USP45: variants seen among roughly 807,000 people sequenced by gnomAD.
USP45 encodes ubiquitin carboxyl-terminal hydrolase 45.
In USP45, 89 loss-of-function variants were observed where a neutral mutation model predicts 95.8. The observed-to-expected ratio is 0.93, with a 90% CI of 0.78 to 1.11. The LOEUF (loss-of-function observed/expected upper bound fraction) is 1.11. Ranked by LOEUF, USP45 falls within the 50% of genes least tolerant of loss-of-function variation. The pLI is 0.00. For missense variants in USP45, 898 were observed against 942.5 expected, an observed-to-expected ratio of 0.95 and a Z score of 0.62; for synonymous variants, 281 against 316.2, an observed-to-expected ratio of 0.89 and a Z score of 1.18.
chr6:99,443,278 G>A (rs1781860752), intron 15 of USP45, among the ~76,000 whole-genome samples: 1 of 152,128 alleles, frequency 6.6e-6, no homozygotes, highest in African/African-American at 2.4e-5. Flanking sequence ...CAAAGGCCGA[G>A]GGAGCCACCG....
chr6:99,452,712 A>G (rs1045947237), intron 13 of USP45, among the ~76,000 whole-genome samples: 1 of 152,228 alleles, frequency 6.6e-6, no homozygotes, highest in African/African-American at 2.4e-5. Context: ...ATGCTGCCTT[A>G]AAGACACATG....
intron 2 of USP45, among the ~76,000 whole-genome samples, chr6:99,509,575 C>A (rs1799307475): frequency 6.6e-6 from 1 of 151,202 alleles, no homozygotes; most frequent in South Asian, 2.1e-4. Flanking sequence ...CTGAGGCCAG[C>A]AGCTCCCAAA....
intron 13 of USP45, among the ~76,000 whole-genome samples, chr6:99,455,331 GCTA>G (rs1784807002): frequency 6.6e-6 from 1 of 151,666 alleles, no homozygotes; most frequent in South Asian, 2.1e-4. Context: ...TGTAGTCCCA[GCTA>G]CTTGGGAGAT....
In USP45 at chr6:99,503,813, C is replaced by A; in HGVS notation, c.430G>T (p.Ala144Ser). ...TTCTGGAGAAAATCAACTATCTGAG[C>A]CAAAACCTTCTTATTACAATGCGTT... The part of the protein sequence containing the change: ...LSTHCNKKVL[A>S]QIVDFLQKHA... The change falls in exon 5 of 18, where the codon GCT becomes TCT. Residue 144 changes from alanine (A) to serine (S), a missense_variant. Transcript: ENST00000500704. 1 of 1,602,174 alleles carries A rather than the reference C, an allele frequency of 6.2e-7. No individual in the cohort carries two copies. Among genetic ancestry groups the A allele is most frequent in the Non-Finnish European group, 8.5e-7 (1 of 1,174,500 alleles).
chr6:99,508,715 C>T lies in USP45; in HGVS notation c.168G>A (p.Glu56=). Residue 56 remains glutamate (E), a synonymous_variant, in exon 3 of 18, where the codon GAG becomes GAA. Transcript: ENST00000500704. ...ATTCTGAGCAAACTGACCACAGATT[C>T]TCAGCTATTGCTCTCTTTACATGAT... ...SVNHVKRAIA[E]NLWSVCSECL... 6.2e-7 allele frequency: 1 copy of T among 1,613,770 alleles called. No homozygotes were observed.
intron 14 of USP45, among the ~76,000 whole-genome samples, chr6:99,444,907 C>T (rs756515998): frequency 1.3e-5 from 2 of 152,150 alleles, no homozygotes; most frequent in Non-Finnish European, 2.9e-5. Context: ...ATCTTTTAGC[C>T]TCACCGTACC....
At position 99,499,464 on chromosome 6, in the gene USP45, G is replaced by A. The variant is rs145029607; in HGVS notation, c.478+4301C>T. Among the ~76,000 whole-genome samples the A allele has an allele frequency of 1.8e-3, 274 of 152,144 alleles. 2 individuals are homozygous for A. Among genetic ancestry groups the A allele is most frequent in the East Asian group, 5.8e-3 (30 of 5,176 alleles). On this transcript the variant is annotated intron_variant, in intron 5 of 17. Coordinates refer to ENST00000500704, the MANE Select transcript of USP45 (RefSeq NM_001346022.3). Reference sequence around the variant, plus strand: ...GGAAGCCGCATACAAGGCACAATATGGCAAACTATTATATCCAAAAACTTA... The same window carrying A: ...GGAAGCCGCATACAAGGCACAATATAGCAAACTATTATATCCAAAAACTTA...
intron 7 of USP45, 43 bp from the exon 8 acceptor site, chr6:99,482,926 A>G (rs1562391691): frequency 7.2e-7 from 1 of 1,392,820 alleles, no homozygotes; most frequent in East Asian, 2.6e-5. Context: ...TGTACAATTT[A>G]AAAATAACAT....
intron 13 of USP45, among the ~76,000 whole-genome samples, chr6:99,452,266 T>C (rs976518349): frequency 2.0e-5 from 3 of 152,146 alleles, no homozygotes; most frequent in Non-Finnish European, 2.9e-5. Flanking sequence ...GGAGAAAATT[T>C]TGCAACCTAC....
intron 9 of USP45, among the ~76,000 whole-genome samples, chr6:99,475,846 G>A (rs1281033355): frequency 6.6e-6 from 1 of 151,942 alleles, no homozygotes; most frequent in Non-Finnish European, 1.5e-5. Flanking sequence ...TTTTGAGACA[G>A]AGTCTCACTC....
At chr6:99,501,823 G>C in intron 5 of USP45, 1 of 962,226 alleles carries the variant, frequency 1.0e-6, no homozygotes. Context: ...AAAGGATCTG[G>C]CTGGCTTTTC....
intron 5 of USP45, among the ~76,000 whole-genome samples, chr6:99,496,388 C>T (rs948701915): frequency 6.6e-6 from 1 of 151,722 alleles, no homozygotes; most frequent in African/African-American, 2.4e-5. Context: ...AAACATACCA[C>T]CACTTACTTT....
intron 7 of USP45, among the ~76,000 whole-genome samples, chr6:99,487,692 G>A (rs1794278209): frequency 6.6e-6 from 1 of 150,958 alleles, no homozygotes; most frequent in Admixed American, 6.6e-5. Context: ...CTACTCAGGA[G>A]GCTGAGGTAG....
chr6:99,464,939 T>A (rs1297018946), intron 12 of USP45, 141 bp downstream of exon 12: 1 of 945,238 alleles, frequency 1.1e-6, no homozygotes, highest in African/African-American at 1.7e-5. Flanking sequence ...AACCCCCAAA[T>A]CAGACTCAAT....
At chr6:99,446,813 A>T (rs1454905391) in intron 13 of USP45, among the ~76,000 whole-genome samples, 1 of 152,168 alleles carries the variant, frequency 6.6e-6, no homozygotes, top group African/African-American at 2.4e-5. Flanking sequence ...GCACAATCAC[A>T]GCTCACCGCA....
In USP45 at chr6:99,462,654, T is replaced by G. The variant is rs143692934; in HGVS notation, c.1308+1950A>C. 34 of 985,550 alleles carry G rather than the reference T, an allele frequency of 3.4e-5. 1 individual carries two copies. The East Asian group carries it at 3.7e-3, about 108-fold the overall frequency. 61.1% of individuals were successfully genotyped at this position (985,550 alleles called of 1,614,324 possible). On this transcript the variant is annotated intron_variant, in intron 13 of 17. Transcript: ENST00000500704. ...AAACATGTTGTCCTTTCTGAAGTCT[T>G]GTGACTTCTAACATAAGTCTTCTAA...
intron 5 of USP45, among the ~76,000 whole-genome samples, chr6:99,496,498 A>T (rs770311602): frequency 6.6e-6 from 1 of 152,136 alleles, no homozygotes; most frequent in Non-Finnish European, 1.5e-5. Context: ...TAAATTCAGC[A>T]GGATATAGTA....
Position 99,437,336 on chromosome 6 carries a change from T to C in USP45, c.2224A>G (p.Met742Val). 1 of 1,613,846 alleles carries C rather than the reference T, an allele frequency of 6.2e-7. No homozygotes were observed. ...TAAGCAGTGTAGTGGCCTTCTCTCA[T>C]CGAGCCACTATGTTCCACTATGCCA... ...LYGIVEHSGS[M>V]REGHYTAYVK... Residue 742 changes from methionine (M) to valine (V), a missense_variant, in exon 17 of 18, where the codon ATG (methionine) becomes GTG (valine). Physicochemically the swap from Met to Val is conservative, Grantham distance 21. Coordinates refer to ENST00000500704, the MANE Select transcript of USP45 (RefSeq NM_001346022.3).
chr6:99,464,559 T>C, intron 13 of USP45, 45 bp downstream of exon 13: 1 of 1,577,626 alleles, frequency 6.3e-7, no homozygotes, highest in Non-Finnish European at 8.6e-7. Context: ...CTTTTGTTAA[T>C]AAACTGTTAA....
Sources: gnomAD v4.1 joint callset for allele counts (sites outside exome capture counted in the v4.1 genomes callset) on GRCh38, gnomAD v4.1.1 for gene constraint, MANE v1.5 for transcripts, NCBI Gene and HGNC (gene_info 2026-07-23, HGNC 2026-07-21) for gene names.